The following NFKB2 variants were observed in gnomAD, a reference collection of about 807,000 sequenced individuals.
NFKB2 encodes nuclear factor NF-kappa-B p100 subunit.
Under a neutral mutation model 109.3 loss-of-function variants are expected in NFKB2, and 21 were observed. The ratio of observed to expected loss-of-function variants is 0.19; its 90% CI spans 0.14 to 0.28. NFKB2 has a LOEUF of 0.28. Ranked by LOEUF, NFKB2 falls within the 10% of genes least tolerant of loss-of-function variation. The probability of loss-of-function intolerance (pLI) is 1.00; values close to 1 mark genes in which losing one functional copy is unlikely to be tolerated. For synonymous variants in NFKB2, 478 were observed against 489.9 expected (o/e 0.98, Z 0.32); for missense variants, 806 against 1,185.3 (o/e 0.68, Z 4.70).
chr10:102,398,475 G>A lies in NFKB2; in HGVS notation c.943G>A (p.Gly315Arg). The change falls in exon 11 of 23, where the codon GGG (glycine) becomes AGG (arginine). Residue 315 changes from glycine to arginine, a missense_variant. By Grantham distance (125) the Gly-to-Arg change is moderately radical. Transcript: ENST00000661543. This position sits in a 1 kb window ranked among gnomAD's most constrained non-coding sequence, Gnocchi z 6.6. ...TCTGCAACTGAAACGCAAGCGAGGA[G>A]GGGACGTGTCTGATTCCAAACAGTT... is the stretch of plus-strand genomic sequence containing the variant. The part of the protein sequence containing the change: ...VFLQLKRKRG[G>R]DVSDSKQFTY... The A allele has an allele frequency of 6.2e-7, 1 of 1,614,196 alleles. No individual in the cohort carries two copies. Among genetic ancestry groups the A allele is most frequent in the Admixed American group, 1.7e-5 (1 of 60,028 alleles).
Position 102,402,250 on chromosome 10 carries a change from A to G in NFKB2, c.2579-2A>G. On this transcript the variant is annotated splice_acceptor_variant, in intron 22 of 22. Transcript: ENST00000661543. LOFTEE classifies it high-confidence loss of function. ...CCCATTCCTGTCCCCATTTACCCCC[A>G]GCAGAGGTGAAGGAAGACAGTGCGT... 2 of 1,552,266 alleles carry G rather than the reference A, an allele frequency of 1.3e-6. No homozygotes were observed. The highest frequency in any genetic ancestry group is 1.7e-6 in the Non-Finnish European group (2 of 1,147,568).
At position 102,397,280 on chromosome 10, in the gene NFKB2, G is replaced by A; in HGVS notation, c.396-22G>A. 2 of 1,607,954 alleles carry A rather than the reference G, an allele frequency of 1.2e-6. No homozygotes were observed. Among genetic ancestry groups the A allele is most frequent in the Non-Finnish European group, 1.7e-6 (2 of 1,174,516 alleles). ...GGAAGAAAGAACTGCATGGCCAAAG[G>A]CCTCCGATTCTCTCTTCTCAGATTT... is the stretch of plus-strand genomic sequence containing the variant. On this transcript the variant is annotated intron_variant, in intron 6 of 22. Transcript: ENST00000661543. This position sits in a 1 kb window ranked among gnomAD's most constrained non-coding sequence, Gnocchi z 4.7.
Position 102,400,556 on chromosome 10 carries a change from C to T in NFKB2, c.1798+65C>T, listed in dbSNP as rs1195986692. 3 of 1,589,508 alleles carry T rather than the reference C, an allele frequency of 1.9e-6. No homozygotes were observed. The highest frequency in any genetic ancestry group is 2.6e-6 in the Non-Finnish European group (3 of 1,166,152). ...GACCAGGGAGGGTATCTGGCCAGTGCCCAGAATGGACTATGAGGTGTCGAG... is the reference window on the plus strand; with the variant it reads ...GACCAGGGAGGGTATCTGGCCAGTGTCCAGAATGGACTATGAGGTGTCGAG... On this transcript the variant is annotated intron_variant, in intron 16 of 22. Coordinates refer to ENST00000661543, the MANE Select transcript of NFKB2 (RefSeq NM_001322934.2). The surrounding 1 kb of genome is among the most constrained non-coding windows in gnomAD (Gnocchi z 6.3).
chr10:102,402,180 G>A (rs1264658998), intron 22 of NFKB2, 21 bp downstream of exon 22: 1 of 1,558,836 alleles, frequency 6.4e-7, no homozygotes, highest in South Asian at 1.2e-5. Context: ...CTCCCTGGAA[G>A]GTGGATCTGG....
At position 102,396,065 on chromosome 10, in the gene NFKB2, C is replaced by G; in HGVS notation, c.21+85C>G. On this transcript the variant is annotated intron_variant, in intron 2 of 22. Transcript: ENST00000661543. This position sits in a 1 kb window ranked among gnomAD's most constrained non-coding sequence, Gnocchi z 5.9. ...TGCCCGAGCCCCCTCTGCTGCCTTACACCTGTATGCTCGCAGATGCTCTCA... is the reference window on the plus strand; with the variant it reads ...TGCCCGAGCCCCCTCTGCTGCCTTAGACCTGTATGCTCGCAGATGCTCTCA... 1 of 1,562,324 alleles carries G rather than the reference C, an allele frequency of 6.4e-7. No homozygotes were observed. Among genetic ancestry groups the G allele is most frequent in the Non-Finnish European group, 8.8e-7 (1 of 1,137,814 alleles).
At chr10:102,399,543 C>T (rs865901470) in intron 13 of NFKB2, 34 bp from the exon 14 acceptor site, 2 of 1,540,422 alleles carry the variant, frequency 1.3e-6, no homozygotes, top group African/African-American at 2.8e-5. Flanking sequence ...GGGCTGAGGA[C>T]CTAGCCCTGA....
chr10:102,397,988 G>C lies in NFKB2; in HGVS notation c.669G>C (p.Pro223=), dbSNP rs748619086. The C allele has an allele frequency of 1.9e-6, 3 of 1,613,916 alleles. No homozygotes were observed. The highest frequency in any genetic ancestry group is 2.2e-5 in the South Asian group (2 of 91,072). The change falls in exon 9 of 23, where the codon CCG becomes CCC. Residue 223 remains proline (P), a synonymous_variant. Transcript: ENST00000661543. This position sits in a 1 kb window ranked among gnomAD's most constrained non-coding sequence, Gnocchi z 4.7. ...ISQPIHDSKS[P]GASNLKISRM... ...CCATATCCCACTCCATAGAATCTCC[G>C]GGGGCATCAAACCTGAAGATTTCTC...
chr10:102,397,556 G>T lies in NFKB2; in HGVS notation c.532G>T (p.Ala178Ser). The T allele has an allele frequency of 6.2e-7, 1 of 1,613,742 alleles. No individual in the cohort carries two copies. The highest frequency in any genetic ancestry group is 8.5e-7 in the Non-Finnish European group (1 of 1,179,706). Residue 178 changes from alanine (A) to serine (S), a missense_variant, in exon 8 of 23, where the codon GCC becomes TCC. This residue lies in a region of NFKB2 where 62 missense variants were observed against 102.2 expected (regional missense o/e 0.61). Transcript: ENST00000661543. The surrounding 1 kb of genome is among the most constrained non-coding windows in gnomAD (Gnocchi z 4.7). The part of the protein sequence containing the change: ...EAEQRELEQE[A>S]KELKKVMDLS... ...CGAGCAGCGGGAGCTGGAGCAAGAG[G>T]CCAAAGAACTGAAGAAGGTGATGGA...
In NFKB2 at chr10:102,397,508, A is replaced by G; in HGVS notation, c.503-19A>G. ...AGGGAGGGAGAAGCCCAGGGGTCAC[A>G]CATGTACCTACTGCCCAGAGGCCGA... On this transcript the variant is annotated intron_variant, in intron 7 of 22. Transcript: ENST00000661543. The surrounding 1 kb of genome is among the most constrained non-coding windows in gnomAD (Gnocchi z 4.7). The G allele has an allele frequency of 6.2e-7, 1 of 1,611,750 alleles. No individual in the cohort carries two copies. The highest frequency in any genetic ancestry group is 8.5e-7 in the Non-Finnish European group (1 of 1,178,638).
In NFKB2 at chr10:102,396,074, G is replaced by A. The variant is rs1207792181; in HGVS notation, c.21+94G>A. ...CCCCTCTGCTGCCTTACACCTGTAT[G>A]CTCGCAGATGCTCTCAGCCTGCCAG... On this transcript the variant is annotated intron_variant, in intron 2 of 22. Coordinates refer to ENST00000661543, the MANE Select transcript of NFKB2 (RefSeq NM_001322934.2). The surrounding 1 kb of genome is among the most constrained non-coding windows in gnomAD (Gnocchi z 5.9). 4.4e-5 allele frequency: 68 copies of A among 1,533,384 alleles called. No individual in the cohort carries two copies. In the East Asian group the frequency reaches 1.5e-3, roughly 33 times the overall value. 95.0% of individuals were successfully genotyped at this position (1,533,384 alleles called of 1,614,324 possible).
Position 102,398,628 on chromosome 10 carries a change from C to T in NFKB2, c.991+105C>T, listed in dbSNP as rs919542611. 8 of 1,609,406 alleles carry T rather than the reference C, an allele frequency of 5.0e-6. No homozygotes were observed. Among genetic ancestry groups the T allele is most frequent in the East Asian group, 2.2e-5 (1 of 44,826 alleles). On this transcript the variant is annotated intron_variant, in intron 11 of 22. Transcript: ENST00000661543. The surrounding 1 kb of genome is among the most constrained non-coding windows in gnomAD (Gnocchi z 6.6). ...GGATGCATGAGCCAAGTCAGAAGTG[C>T]GAGGGTCCCAGGAGGTGCTTCCTAG...
At position 102,402,463 on chromosome 10, in the gene NFKB2, C is replaced by T. The variant is rs2061285950; in HGVS notation, c.*87C>T. 1.4e-6 allele frequency: 1 copy of T among 735,348 alleles called. No individual in the cohort carries two copies. Among genetic ancestry groups the T allele is most frequent in the Non-Finnish European group, 2.2e-6 (1 of 456,126 alleles). The allele number at this position is 735,348 out of a possible 1,614,324, so 45.6% of individuals were successfully genotyped here. ...ATCTTATTTAACACCCCACACCCAC[C>T]CCTCAGTTGGGACAAATAAAGGATT... is the stretch of plus-strand genomic sequence containing the variant. On this transcript the variant is annotated 3_prime_UTR_variant, in exon 23 of 23. Transcript: ENST00000661543.
chr10:102,395,671 C>T, upstream of NFKB2: 1 of 522,836 alleles, frequency 1.9e-6, no homozygotes, highest in South Asian at 2.6e-5. Flanking sequence ...CCCCGCCTCC[C>T]CTTGGTATTT....
In NFKB2 at chr10:102,398,602, G is replaced by A; in HGVS notation, c.991+79G>A. On this transcript the variant is annotated intron_variant, in intron 11 of 22. Coordinates refer to ENST00000661543, the MANE Select transcript of NFKB2 (RefSeq NM_001322934.2). This position sits in a 1 kb window ranked among gnomAD's most constrained non-coding sequence, Gnocchi z 6.6. The stretch of plus-strand genomic sequence containing the variant: ...AAGAAGGTCCCAAGAGCTAGATGTG[G>A]GGATGCATGAGCCAAGTCAGAAGTG... The A allele has an allele frequency of 1.2e-6, 2 of 1,610,126 alleles. No homozygotes were observed. Among genetic ancestry groups the A allele is most frequent in the Non-Finnish European group, 1.7e-6 (2 of 1,177,954 alleles).
Position 102,401,231 on chromosome 10 carries a change from C to G in NFKB2, c.2123C>G (p.Pro708Arg). ...NEEPLCPLPSPPTSDSDSDSE... is the reference protein window; with the variant it reads ...NEEPLCPLPSRPTSDSDSDSE... ...GAGCCCCTGTGCCCACTGCCTTCAC[C>G]CCCTACCTCTGATAGCGACTCGGAC... The change falls in exon 19 of 23, where the codon CCC (proline) becomes CGC (arginine). Residue 708 changes from proline (P) to arginine (R), a missense_variant. Pro to Arg is a moderately radical substitution (Grantham distance 103). Around this residue, in one of 10 missense-constraint regions of NFKB2, gnomAD observed 211 missense variants for 268.7 expected, o/e 0.79. Coordinates refer to ENST00000661543, the MANE Select transcript of NFKB2 (RefSeq NM_001322934.2). The surrounding 1 kb of genome is among the most constrained non-coding windows in gnomAD (Gnocchi z 4.2). 1 of 1,610,766 alleles carries G rather than the reference C, an allele frequency of 6.2e-7. No individual in the cohort carries two copies. Among genetic ancestry groups the G allele is most frequent in the South Asian group, 1.1e-5 (1 of 90,686 alleles).
chr10:102,395,564 G>A (rs45556436), upstream of NFKB2: 743 of 342,538 alleles, frequency 2.2e-3, 6 homozygotes, highest in African/African-American at 0.014. Context: ...TCTGCCCGCT[G>A]AAAAGCAGCG....
In NFKB2 at chr10:102,399,362, T is replaced by C. The variant is rs1589864870; in HGVS notation, c.1192T>C (p.Tyr398His). ...GTCCGGCGCGGGCCCCATGGGCTGC[T>C]ACCCGGGAGGCGGGGGCGGGGCGCA... The part of the protein sequence containing the change: ...YQSGAGPMGC[Y>H]PGGGGGAQMA... Residue 398 changes from tyrosine to histidine, a missense_variant, in exon 13 of 23, where the codon TAC becomes CAC. Coordinates refer to ENST00000661543, the MANE Select transcript of NFKB2 (RefSeq NM_001322934.2). 1.3e-6 allele frequency: 2 copies of C among 1,558,698 alleles called. No homozygotes were observed. The highest frequency in any genetic ancestry group is 2.3e-5 in the East Asian group (1 of 42,576).
In NFKB2 at chr10:102,398,692, G is replaced by A. The variant is rs540651771; in HGVS notation, c.992-47G>A. The A allele has an allele frequency of 4.3e-5, 70 of 1,612,046 alleles. 2 individuals carry two copies. In the South Asian group the frequency reaches 7.4e-4, roughly 17 times the overall value. On this transcript the variant is annotated intron_variant, in intron 11 of 22. Coordinates refer to ENST00000661543, the MANE Select transcript of NFKB2 (RefSeq NM_001322934.2). The surrounding 1 kb of genome is among the most constrained non-coding windows in gnomAD (Gnocchi z 6.6). ...GGGCTCTTCTGGGAAGGGCCCCTGA[G>A]GCATGACACAATAACTGGGCTCAAT...
chr10:102,396,358 C>G lies in NFKB2; in HGVS notation c.103+24C>G. 3.1e-6 allele frequency: 5 copies of G among 1,613,888 alleles called. No homozygotes were observed. Among genetic ancestry groups the G allele is most frequent in the Non-Finnish European group, 4.2e-6 (5 of 1,179,776 alleles). On this transcript the variant is annotated intron_variant, in intron 3 of 22. Transcript: ENST00000661543. The surrounding 1 kb of genome is among the most constrained non-coding windows in gnomAD (Gnocchi z 5.9). The stretch of plus-strand genomic sequence containing the variant: ...AGGTCAGCAAGTTCACTAACCTCCC[C>G]TAGTCCTAAAGCGGGGGAGGGAGAG...
Sources: allele counts gnomAD v4.1 joint callset, GRCh38; gene constraint gnomAD v4.1.1; regional missense constraint gnomAD v4.1.1; non-coding constraint Gnocchi (gnomAD v3.1); transcripts MANE v1.5; gene names NCBI Gene and HGNC (gene_info 2026-07-23, HGNC 2026-07-21).